Variants in PLEKHG4B observed in about 807,000 individuals in gnomAD.
PLEKHG4B encodes the protein pleckstrin homology and RhoGEF domain containing G4B.
A neutral mutation model predicts 121.3 loss-of-function variants in PLEKHG4B; 111 were observed. That is an observed-to-expected ratio of 0.92 (90% CI 0.78 to 1.07). PLEKHG4B has a LOEUF of 1.07. Ranked by LOEUF, PLEKHG4B falls within the 50% of genes least tolerant of loss-of-function variation. PLEKHG4B has a pLI of 0.00. For missense variants in PLEKHG4B, 1,831 were observed against 1,757.8 expected (o/e 1.04, Z -0.74); for synonymous variants, 738 against 725.0 (o/e 1.02, Z -0.29).
rs781780958 is a variant in PLEKHG4B at position 156,822 on chromosome 5, G to A, written c.2398G>A (p.Val800Met). Reference sequence around the variant, plus strand: ...CCTGTACGACCGAGTGGATGAGGAGGTGCACAGGCTGGTCCTCACCTCGAA... The same window carrying A: ...CCTGTACGACCGAGTGGATGAGGAGATGCACAGGCTGGTCCTCACCTCGAA... ...TSLYDRVDEE[V>M]HRLVLTSNNR... Residue 800 changes from valine (V) to methionine (M), a missense_variant, in exon 11 of 20, where the codon GTG (valine) becomes ATG (methionine). Coordinates refer to ENST00000637938, the MANE Select transcript of PLEKHG4B (RefSeq NM_052909.5). The surrounding 1 kb of genome is among the most constrained non-coding windows in gnomAD (Gnocchi z 4.4). 8 of 1,589,646 alleles carry A rather than the reference G, an allele frequency of 5.0e-6. No homozygotes were observed. The highest frequency in any genetic ancestry group is 6.8e-6 in the Non-Finnish European group (8 of 1,168,390).
chr5:163,879 A>G (rs771452874), intron 13 of PLEKHG4B, among the ~76,000 whole-genome samples: 1 of 152,198 alleles, frequency 6.6e-6, no homozygotes, highest in African/African-American at 2.4e-5. Flanking sequence ...CCCCGACACC[A>G]AGAAGAGTTA....
At chr5:112,679 C>T (rs922804676) in intron 1 of PLEKHG4B, among the ~76,000 whole-genome samples, 6 of 152,200 alleles carry the variant, frequency 3.9e-5, no homozygotes, top group Admixed American at 6.5e-5. Context: ...AGGTTTTCAC[C>T]ATCAGTACTG....
chr5:136,065 G>A (rs527798655), intron 2 of PLEKHG4B, among the ~76,000 whole-genome samples: 1 of 152,064 alleles, frequency 6.6e-6, no homozygotes, highest in Admixed American at 6.6e-5. Flanking sequence ...ACTATTCACT[G>A]GGGAAAAGAC....
In PLEKHG4B at chr5:140,684, C is replaced by A; in HGVS notation, c.1445C>A (p.Pro482Gln). 1 of 1,595,666 alleles carries A rather than the reference C, an allele frequency of 6.3e-7. No individual in the cohort carries two copies. ...GCTGTGGGGACCCCAAACTGTGTCC[C>A]AGTAGAGGGTCCCGGCTGCACCAAA... Reference protein sequence around the residue: ...GQAVGTPNCVPVEGPGCTKEE... With the variant: ...GQAVGTPNCVQVEGPGCTKEE... The change falls in exon 3 of 20, where the codon CCA becomes CAA. Residue 482 changes from proline (P) to glutamine (Q), a missense_variant. Physicochemically the swap from Pro to Gln is moderately conservative, Grantham distance 76. Coordinates refer to ENST00000637938, the MANE Select transcript of PLEKHG4B (RefSeq NM_052909.5).
intron 18 of PLEKHG4B, among the ~76,000 whole-genome samples, chr5:175,125 G>A (rs1466921501): frequency 6.6e-6 from 1 of 152,064 alleles, no homozygotes; most frequent in African/African-American, 2.4e-5. Context: ...CCGCAGGTCT[G>A]GTTCCATGTT....
At chr5:104,383 G>A (rs987097731) in intron 1 of PLEKHG4B, among the ~76,000 whole-genome samples, 11 of 152,172 alleles carry the variant, frequency 7.2e-5, no homozygotes, top group Non-Finnish European at 1.5e-4. Context: ...CTCTTAAGAC[G>A]ACAAAATCCA....
At chr5:176,728 C>T (rs1045777726) in intron 18 of PLEKHG4B, among the ~76,000 whole-genome samples, 1 of 152,270 alleles carries the variant, frequency 6.6e-6, no homozygotes, top group African/African-American at 2.4e-5. Flanking sequence ...CTCAGAGACT[C>T]GGCATTGCTG....
At chr5:161,674 G>T in intron 11 of PLEKHG4B, 109 bp from the exon 12 acceptor site, 1 of 1,427,940 alleles carries the variant, frequency 7.0e-7, no homozygotes, top group South Asian at 1.2e-5. Flanking sequence ...GCAGCACTGT[G>T]GGCCGTCCGA....
chr5:162,464 C>T (rs566292544), intron 12 of PLEKHG4B, among the ~76,000 whole-genome samples: 2 of 152,376 alleles, frequency 1.3e-5, no homozygotes, highest in East Asian at 1.9e-4. Context: ...CTGATCTACA[C>T]AATGTCTTCA....
At chr5:154,417 G>A (rs575922104) in intron 7 of PLEKHG4B, among the ~76,000 whole-genome samples, 229 of 152,246 alleles carry the variant, frequency 1.5e-3, no homozygotes, top group Admixed American at 3.1e-3. Context: ...CCCTGAGGAC[G>A]GAGCCACTGT....
intron 2 of PLEKHG4B, among the ~76,000 whole-genome samples, chr5:124,402 A>G (rs1734553839): frequency 1.3e-5 from 2 of 152,186 alleles, no homozygotes; most frequent in Admixed American, 6.5e-5. Context: ...GAGTTGATTT[A>G]TGGTGTTGTT....
chr5:128,677 A>T (rs1178107873), intron 2 of PLEKHG4B, among the ~76,000 whole-genome samples: 1 of 152,220 alleles, frequency 6.6e-6, no homozygotes, highest in Admixed American at 6.5e-5. Context: ...AGAGTTCCAA[A>T]ATAGTTATGG....
At chr5:117,378 T>C (rs1282893087) in intron 2 of PLEKHG4B, among the ~76,000 whole-genome samples, 3 of 152,194 alleles carry the variant, frequency 2.0e-5, no homozygotes, top group African/African-American at 7.2e-5. Flanking sequence ...ATTAATAATA[T>C]TAATATTGAG....
intron 18 of PLEKHG4B, among the ~76,000 whole-genome samples, chr5:175,593 CTG>C (rs1421248832): frequency 1.1e-4 from 16 of 151,092 alleles, no homozygotes; most frequent in African/African-American, 3.2e-4. Context: ...TCCTGCACGG[CTG>C]CACCCCGCCT....
At position 163,275 on chromosome 5, in the gene PLEKHG4B, C is replaced by T; in HGVS notation, c.3203C>T (p.Ala1068Val). 6.2e-7 allele frequency: 1 copy of T among 1,613,022 alleles called. No individual in the cohort carries two copies. Among genetic ancestry groups the T allele is most frequent in the Non-Finnish European group, 8.5e-7 (1 of 1,179,936 alleles). Residue 1068 changes from alanine to valine, a missense_variant, in exon 13 of 20, where the codon GCC becomes GTC. Coordinates refer to ENST00000637938, the MANE Select transcript of PLEKHG4B (RefSeq NM_052909.5). ...TCCTCTGAGCCCACCCAGACCCTGG[C>T]CAGCCGCCCCAGGAAACATCCCCAG... ...ACSSEPTQTL[A>V]SRPRKHPQKK... is the part of the protein sequence containing the mutation.
chr5:173,685 C>T (rs962816774), intron 17 of PLEKHG4B, among the ~76,000 whole-genome samples: 2 of 151,986 alleles, frequency 1.3e-5, no homozygotes, highest in African/African-American at 4.8e-5. Context: ...CAGTCACTCA[C>T]GAGCAGCCTC....
chr5:106,455 T>G (rs1435632842), intron 1 of PLEKHG4B, among the ~76,000 whole-genome samples: 2 of 152,240 alleles, frequency 1.3e-5, no homozygotes, highest in Admixed American at 1.3e-4. Flanking sequence ...TATATTAAAA[T>G]ACTTGCATAT....
intron 2 of PLEKHG4B, among the ~76,000 whole-genome samples, chr5:135,677 AAAAAAATATAT>A (rs1428416252): frequency 2.2e-4 from 16 of 72,508 alleles, no homozygotes; most frequent in South Asian, 9.0e-4. Context: ...AAAAAAAAAA[AAAAAAATATAT>A]ATATATATAT....
rs533986179 is a variant in PLEKHG4B at position 162,272 on chromosome 5, C to G, written c.2649+328C>G. On this transcript the variant is annotated intron_variant, in intron 12 of 19. Transcript: ENST00000637938. ...CAGACTGCTCGCCTGCGAGCTCCCA[C>G]GCGCCCCAGACCGCACGCCTGCGAG... is the stretch of plus-strand genomic sequence containing the variant. Among the ~76,000 whole-genome samples, 383 of 70,930 alleles carry G rather than the reference C, an allele frequency of 5.4e-3. 2 individuals carry two copies. The highest frequency in any genetic ancestry group is 7.9e-3 in the Non-Finnish European group (279 of 35,264). 46.5% of individuals were successfully genotyped at this position (70,930 alleles called of 152,430 possible). A position where few individuals can be genotyped will look rare whatever the true frequency, so the allele number is the denominator to read the frequency against.
Sources: allele counts gnomAD v4.1 joint callset (sites outside exome capture counted in the v4.1 genomes callset), GRCh38; gene constraint gnomAD v4.1.1; non-coding constraint Gnocchi (gnomAD v3.1); transcripts MANE v1.5; gene names NCBI Gene and HGNC (gene_info 2026-07-23, HGNC 2026-07-21).